The following FXR1 variants were observed in gnomAD, a reference collection of about 807,000 sequenced individuals.
FXR1 encodes the protein FMR1 autosomal homolog 1.
FXR1 carries 15 observed loss-of-function variants against 84.0 expected under a neutral mutation model. That is an observed-to-expected ratio of 0.18 (90% CI 0.12 to 0.27). The LOEUF (loss-of-function observed/expected upper bound fraction) is 0.27, where lower values mean the gene tolerates loss of function less well. Ranked by LOEUF, FXR1 falls within the 10% of genes least tolerant of loss-of-function variation. FXR1 has a pLI of 1.00. For synonymous variants in FXR1, 245 were observed against 250.7 expected, an observed-to-expected ratio of 0.98 and a Z score of 0.21; for missense variants, 480 against 774.4, an observed-to-expected ratio of 0.62 and a Z score of 4.51.
intron 1 of FXR1, among the ~76,000 whole-genome samples, chr3:180,932,236 C>G (rs1213979278): frequency 6.6e-6 from 1 of 151,890 alleles, no homozygotes; most frequent in Non-Finnish European, 1.5e-5. Context: ...CTTACTTTGA[C>G]CAGGTACTAT....
intron 6 of FXR1, 74 bp from the exon 7 acceptor site, chr3:180,949,153 T>G (rs1330708792): frequency 2.4e-6 from 2 of 816,434 alleles, no homozygotes; most frequent in African/African-American, 1.7e-5. Flanking sequence ...AGGCTTTGCA[T>G]AGAAGATGGG....
At chr3:180,921,443 GAAT>G (rs1718582893) in intron 1 of FXR1, among the ~76,000 whole-genome samples, 1 of 151,044 alleles carries the variant, frequency 6.6e-6, no homozygotes, top group Non-Finnish European at 1.5e-5. Context: ...CAGACTTTTT[GAAT>G]TTGTGGAACA....
intron 13 of FXR1, 119 bp downstream of exon 13, chr3:180,963,209 A>G (rs1576989907): frequency 1.7e-6 from 1 of 600,282 alleles, no homozygotes; most frequent in African/African-American, 1.9e-5. Context: ...TTGAGGGTAG[A>G]AGGTAGTTCT....
chr3:180,919,022 T>C (rs1402905329), intron 1 of FXR1, among the ~76,000 whole-genome samples: 1 of 152,162 alleles, frequency 6.6e-6, no homozygotes, highest in African/African-American at 2.4e-5. Flanking sequence ...AGTACAAATG[T>C]TTTGCCACAT....
At chr3:180,948,591 A>G (rs1721922092) in intron 5 of FXR1, 96 bp downstream of exon 5, 4 of 1,034,242 alleles carry the variant, frequency 3.9e-6, no homozygotes, top group Non-Finnish European at 5.9e-6. Context: ...AAACCTTCTG[A>G]TGGAAAATCA....
At position 180,948,703 on chromosome 3, in the gene FXR1, A is replaced by G. The variant is rs554014479; in HGVS notation, c.420-18A>G. 73 of 1,282,920 alleles carry G rather than the reference A, an allele frequency of 5.7e-5. No individual in the cohort carries two copies. The Admixed American group carries it at 6.1e-4, about 11-fold the overall frequency. The allele number at this position is 1,282,920 out of a possible 1,614,324, so 79.5% of individuals were successfully genotyped here. On this transcript the variant is annotated intron_variant, in intron 5 of 16. Transcript: ENST00000357559. The stretch of plus-strand genomic sequence containing the variant: ...AATCTGTTATTGAGTTCTTACACAT[A>G]AATTGATTTCTCTCTAGGTGTGCTA...
chr3:180,965,619 T>C (rs994516149), intron 13 of FXR1, among the ~76,000 whole-genome samples: 4 of 152,222 alleles, frequency 2.6e-5, no homozygotes. Flanking sequence ...TCTCTACTTT[T>C]AAAGACCCAG....
At chr3:180,944,775 A>G (rs1055821579) in intron 3 of FXR1, among the ~76,000 whole-genome samples, 5 of 152,180 alleles carry the variant, frequency 3.3e-5, no homozygotes, top group African/African-American at 1.2e-4. Context: ...GGCACATGCC[A>G]CCATGCCTGG....
intron 13 of FXR1, among the ~76,000 whole-genome samples, chr3:180,965,957 A>G (rs531396622): frequency 1.2e-4 from 19 of 152,280 alleles, no homozygotes; most frequent in African/African-American, 4.6e-4. Flanking sequence ...ATTTCTAAGG[A>G]TACTTCAATA....
rs114782516 is a variant in FXR1 at position 180,916,639 on chromosome 3, G to A, written c.51+3903G>A. ...GCCAGGCTGGCCTCGAACTCCTGAC[G>A]TCAAATGATCGCCCTCCTCGGCCTC... On this transcript the variant is annotated intron_variant, in intron 1 of 16. Coordinates refer to ENST00000357559, the MANE Select transcript of FXR1 (RefSeq NM_005087.4). Among the ~76,000 whole-genome samples, 822 of 152,176 alleles carry A rather than the reference G, an allele frequency of 5.4e-3. 13 individuals are homozygous for A. The highest frequency in any genetic ancestry group is 0.019 in the African/African-American group (781 of 41,518).
intron 9 of FXR1, among the ~76,000 whole-genome samples, chr3:180,956,749 T>C (rs1722777951): frequency 6.6e-6 from 1 of 152,040 alleles, no homozygotes; most frequent in Non-Finnish European, 1.5e-5. Flanking sequence ...GGCTTATTAA[T>C]GGGGAAGGAG....
chr3:180,938,137 C>T (rs1040288657), intron 3 of FXR1, among the ~76,000 whole-genome samples: 1 of 151,996 alleles, frequency 6.6e-6, no homozygotes, highest in African/African-American at 2.4e-5. Flanking sequence ...TTGAAATTAC[C>T]AGATTTTTTG....
chr3:180,932,147 T>A (rs185258882), intron 1 of FXR1, among the ~76,000 whole-genome samples: 46 of 151,914 alleles, frequency 3.0e-4, no homozygotes, highest in African/African-American at 1.1e-3. Context: ...TTCTTTTGGG[T>A]TTATTCCTTC....
At chr3:180,917,459 A>G (rs1049519384) in intron 1 of FXR1, among the ~76,000 whole-genome samples, 1 of 152,224 alleles carries the variant, frequency 6.6e-6, no homozygotes, top group Non-Finnish European at 1.5e-5. Flanking sequence ...ATAGTTCCAG[A>G]TAATTTAAAA....
chr3:180,957,813 C>T lies in FXR1; in HGVS notation c.881-6C>T. On this transcript the variant is annotated splice_region_variant and splice_polypyrimidine_tract_variant and intron_variant, in intron 9 of 16. Transcript: ENST00000357559. ...TTACCATTGTATTTGTTTTCTCTTA[C>T]TAAAGGAAAAGTAATTGGAAAAAAT... The T allele has an allele frequency of 7.3e-7, 1 of 1,361,562 alleles. No individual in the cohort carries two copies. Among genetic ancestry groups the T allele is most frequent in the Non-Finnish European group, 1.0e-6 (1 of 961,378 alleles). 84.3% of individuals were successfully genotyped at this position (1,361,562 alleles called of 1,614,324 possible). A position where few individuals can be genotyped will look rare whatever the true frequency, so the allele number is the denominator to read the frequency against.
Position 180,949,292 on chromosome 3 carries a change from T to A in FXR1, c.579T>A (p.Arg193=). The A allele has an allele frequency of 6.2e-7, 1 of 1,603,694 alleles. No homozygotes were observed. The highest frequency in any genetic ancestry group is 8.5e-7 in the Non-Finnish European group (1 of 1,170,410). The change falls in exon 7 of 17, where the codon CGT becomes CGA. Residue 193 remains arginine, a synonymous_variant. Transcript: ENST00000357559. ...GTGACATGCATTTGCGAAGTATTCGTACGAAGTTGATGCTTATGTCCAGAA... is the reference window on the plus strand; with the variant it reads ...GTGACATGCATTTGCGAAGTATTCGAACGAAGTTGATGCTTATGTCCAGAA... ...ILSDMHLRSI[R]TKLMLMSRNE... is the part of the protein sequence containing the mutation.
At chr3:180,923,205 G>GT (rs1718787112) in intron 1 of FXR1, among the ~76,000 whole-genome samples, 1 of 152,124 alleles carries the variant, frequency 6.6e-6, no homozygotes, top group South Asian at 2.1e-4. Context: ...CTCCTTAGCT[G>GT]TATCTCCCTC....
Position 180,981,401 on chromosome 3 carries a change from T to C in FXR1, c.*5109T>C, listed in dbSNP as rs1714602685. On this transcript the variant is annotated 3_prime_UTR_variant, in exon 17 of 17. Coordinates refer to ENST00000357559, the MANE Select transcript of FXR1 (RefSeq NM_005087.4). ...GTAAGTACTCTCATCATTTGGAAAA[T>C]ACTTGATGGCAGGAGAACTTGCTTA... is the stretch of plus-strand genomic sequence containing the variant. 1 of 152,008 alleles carries C rather than the reference T, an allele frequency of 6.6e-6. No homozygotes were observed. The highest frequency in any genetic ancestry group is 2.4e-5 in the African/African-American group (1 of 41,410). 9.4% of individuals were successfully genotyped at this position (152,008 alleles called of 1,614,324 possible).
chr3:180,959,622 T>C lies in FXR1; in HGVS notation c.990+1694T>C, dbSNP rs547149410. On this transcript the variant is annotated intron_variant, in intron 10 of 16. Transcript: ENST00000357559. ...CTGAAAACAGGCTATGTGCTTAAGA[T>C]TTTTTTAGGTTCTTGCCCTCCCACC... is the stretch of plus-strand genomic sequence containing the variant. Among the ~76,000 whole-genome samples, 12 of 152,128 alleles carry C rather than the reference T, an allele frequency of 7.9e-5. No homozygotes were observed. The South Asian group carries it at 1.9e-3, about 24-fold the overall frequency.
Sources: allele counts gnomAD v4.1 joint callset (sites outside exome capture counted in the v4.1 genomes callset), GRCh38; gene constraint gnomAD v4.1.1; transcripts MANE v1.5; gene names NCBI Gene and HGNC (gene_info 2026-07-23, HGNC 2026-07-21).